The following DNAJC11 variants were observed in gnomAD, a reference collection of about 807,000 sequenced individuals.
The protein encoded by DNAJC11 is dnaJ homolog subfamily C member 11.
DNAJC11 carries 15 observed loss-of-function variants against 78.6 expected under a neutral mutation model. The observed-to-expected ratio is 0.19, with a 90% CI of 0.13 to 0.29. The LOEUF is 0.29. DNAJC11 is among the 10% of genes least tolerant of loss of function. The probability of loss-of-function intolerance (pLI) is 1.00; values close to 1 mark genes in which losing one functional copy is unlikely to be tolerated. For synonymous variants in DNAJC11, 292 were observed against 272.1 expected (o/e 1.07, Z -0.72); for missense variants, 547 against 709.6 (o/e 0.77, Z 2.60).
chr1:6,641,119 C>G (rs1641868222), intron 10 of DNAJC11, among the ~76,000 whole-genome samples: 1 of 152,078 alleles, frequency 6.6e-6, no homozygotes, highest in Non-Finnish European at 1.5e-5. Context: ...GGCTCAGTGG[C>G]TCACGCCTGT....
chr1:6,694,060 T>C lies in DNAJC11; in HGVS notation c.72+7669A>G, dbSNP rs557986536. Among the ~76,000 whole-genome samples the C allele has an allele frequency of 2.6e-5, 4 of 151,908 alleles. No homozygotes were observed. In the East Asian group the frequency reaches 5.9e-4, roughly 22 times the overall value. On this transcript the variant is annotated intron_variant, in intron 1 of 15. Coordinates refer to ENST00000377577, the MANE Select transcript of DNAJC11 (RefSeq NM_018198.4). ...CATGCTGGCCAGGTGGGTCTTGAAC[T>C]CCTGACCTCAAGTGATCCGCTGGCC...
intron 7 of DNAJC11, among the ~76,000 whole-genome samples, chr1:6,646,197 C>T (rs185271238): frequency 2.6e-5 from 4 of 152,274 alleles, no homozygotes; most frequent in South Asian, 2.1e-4. Context: ...TCCCCTCAGC[C>T]GCCCTAACTT....
intron 12 of DNAJC11, 177 bp downstream of exon 12, chr1:6,638,118 T>G: frequency 1.9e-6 from 1 of 533,318 alleles, no homozygotes; most frequent in Non-Finnish European, 3.2e-6. Flanking sequence ...CTTTGGAGGG[T>G]AATTATCTTC....
chr1:6,699,512 T>A (rs1042248523), intron 1 of DNAJC11, among the ~76,000 whole-genome samples: 9 of 152,182 alleles, frequency 5.9e-5, no homozygotes, highest in African/African-American at 9.7e-5. Context: ...CAACCCAGAC[T>A]AAGTACGAAT....
intron 3 of DNAJC11, 22 bp from the exon 4 acceptor site, chr1:6,667,832 G>A (rs1435265848): frequency 1.2e-6 from 2 of 1,608,566 alleles, no homozygotes; most frequent in Non-Finnish European, 8.5e-7. Flanking sequence ...ATCAAGATGG[G>A]AAGACAGTTG....
At chr1:6,635,807 G>A in intron 15 of DNAJC11, 107 bp from the exon 16 acceptor site, 2 of 1,396,514 alleles carry the variant, frequency 1.4e-6, no homozygotes, top group African/African-American at 1.4e-5. Context: ...GCTGGGCCCA[G>A]GCGAGGCAGA....
At chr1:6,686,393 T>C (rs1169949312) in intron 1 of DNAJC11, among the ~76,000 whole-genome samples, 1 of 152,218 alleles carries the variant, frequency 6.6e-6, no homozygotes. Context: ...GATACTGCAG[T>C]AACAAACAAT....
chr1:6,661,258 C>T (rs962715406), intron 4 of DNAJC11, among the ~76,000 whole-genome samples: 3 of 152,176 alleles, frequency 2.0e-5, no homozygotes, highest in Middle Eastern at 3.2e-3. Flanking sequence ...AGAGGTGATA[C>T]GAGGCAATGT....
At chr1:6,695,939 A>G (rs948465818) in intron 1 of DNAJC11, among the ~76,000 whole-genome samples, 19 of 152,230 alleles carry the variant, frequency 1.2e-4, no homozygotes, top group African/African-American at 4.6e-4. Context: ...GCCTCCCTCT[A>G]TCCCATTGTT....
At chr1:6,687,910 G>A (rs979237637) in intron 1 of DNAJC11, among the ~76,000 whole-genome samples, 2 of 152,240 alleles carry the variant, frequency 1.3e-5, no homozygotes, top group African/African-American at 2.4e-5. Flanking sequence ...AGGATTTAAC[G>A]TGAGACTAAC....
At chr1:6,683,067 G>T (rs1642579356) in intron 1 of DNAJC11, among the ~76,000 whole-genome samples, 1 of 152,160 alleles carries the variant, frequency 6.6e-6, no homozygotes, top group Non-Finnish European at 1.5e-5. Context: ...TCAGAATAGG[G>T]TCAAGGATCT....
At chr1:6,687,354 CTT>C (rs70981400) in intron 1 of DNAJC11, among the ~76,000 whole-genome samples, 215 of 119,004 alleles carry the variant, frequency 1.8e-3, no homozygotes, top group African/African-American at 4.9e-3. Flanking sequence ...AATACAGTCC[CTT>C]TTTTTTTTTT....
chr1:6,678,628 T>G (rs1642507454), intron 2 of DNAJC11, among the ~76,000 whole-genome samples, 161 bp from the exon 3 acceptor site: 1 of 152,204 alleles, frequency 6.6e-6, no homozygotes, highest in Admixed American at 6.5e-5. Flanking sequence ...TCCTCCCAAC[T>G]GCTTTTTCGA....
intron 3 of DNAJC11, among the ~76,000 whole-genome samples, chr1:6,668,781 T>C (rs372244092): frequency 1.3e-5 from 2 of 152,096 alleles, no homozygotes; most frequent in Non-Finnish European, 2.9e-5. Flanking sequence ...TATAACAGTA[T>C]ATGAACCTTA....
intron 1 of DNAJC11, among the ~76,000 whole-genome samples, chr1:6,696,551 G>A (rs1642839647): frequency 6.6e-6 from 1 of 152,236 alleles, no homozygotes; most frequent in East Asian, 1.9e-4. Flanking sequence ...TCACTCTGTG[G>A]CTGTAACCTG....
intron 10 of DNAJC11, among the ~76,000 whole-genome samples, chr1:6,643,285 T>A (rs1641908121): frequency 6.6e-6 from 1 of 151,372 alleles, no homozygotes; most frequent in African/African-American, 2.4e-5. Flanking sequence ...ACATTTTTTT[T>A]TTTTTTTTTG....
At chr1:6,681,944 G>T (rs1460345143) in intron 1 of DNAJC11, among the ~76,000 whole-genome samples, 2 of 152,092 alleles carry the variant, frequency 1.3e-5, no homozygotes, top group Non-Finnish European at 2.9e-5. Context: ...AAGAACATTT[G>T]ATTTGAGGAC....
chr1:6,678,153 T>C (rs1642499318), intron 3 of DNAJC11, among the ~76,000 whole-genome samples: 1 of 152,224 alleles, frequency 6.6e-6, no homozygotes, highest in South Asian at 2.1e-4. Flanking sequence ...TCTTCCGTTT[T>C]ACTTGACAGG....
At chr1:6,695,627 T>TAAAAAAAAAAAAAAAA (rs70984004) in intron 1 of DNAJC11, among the ~76,000 whole-genome samples, 4 of 83,010 alleles carry the variant, frequency 4.8e-5, no homozygotes, top group African/African-American at 1.8e-4. Flanking sequence ...CTATCTCTAC[T>TAAAAAAAAAAAAAAAA]AAAAAAAAAA....
Sources: gnomAD v4.1 joint callset for allele counts (sites outside exome capture counted in the v4.1 genomes callset) on GRCh38, gnomAD v4.1.1 for gene constraint, MANE v1.5 for transcripts, NCBI Gene and HGNC (gene_info 2026-07-23, HGNC 2026-07-21) for gene names.